The following C8orf34 variants were observed in gnomAD, a reference collection of about 807,000 sequenced individuals.
C8orf34 encodes the protein chromosome 8 open reading frame 34.
Under a neutral mutation model 68.3 loss-of-function variants are expected in C8orf34, and 65 were observed. The ratio of observed to expected loss-of-function variants is 0.95; its 90% CI spans 0.78 to 1.17. The LOEUF is 1.17. Ranked by LOEUF, C8orf34 falls within the 50% of genes most tolerant of loss-of-function variation. The pLI is 0.00. For synonymous variants in C8orf34, 244 were observed against 241.2 expected (o/e 1.01, Z -0.11); for missense variants, 664 against 655.4 (o/e 1.01, Z -0.14).
At chr8:68,353,590 G>GTA (rs1161743614) in intron 1 of C8orf34, among the ~76,000 whole-genome samples, 5 of 145,178 alleles carry the variant, frequency 3.4e-5, no homozygotes, top group South Asian at 2.1e-4. Flanking sequence ...CACAGTTGAT[G>GTA]TATATATATA....
chr8:68,475,685 A>G (rs1812583135), intron 4 of C8orf34, among the ~76,000 whole-genome samples: 1 of 152,218 alleles, frequency 6.6e-6, no homozygotes. Flanking sequence ...TAAACATCCT[A>G]AAAGCTAAAG....
intron 12 of C8orf34, among the ~76,000 whole-genome samples, chr8:68,796,572 GAC>G (rs1413399712): frequency 2.6e-5 from 4 of 152,094 alleles, no homozygotes; most frequent in Non-Finnish European, 4.4e-5. Context: ...ATAATTGTAA[GAC>G]CATATCATTG....
At chr8:68,818,143 G>C in intron 13 of C8orf34, 96 bp from the exon 14 acceptor site, 1 of 1,226,632 alleles carries the variant, frequency 8.2e-7, no homozygotes, top group Admixed American at 1.8e-5. Context: ...CATTGGAATA[G>C]AGGAAAGCAT....
At chr8:68,457,003 G>A (rs1811582130) in intron 3 of C8orf34, among the ~76,000 whole-genome samples, 1 of 152,166 alleles carries the variant, frequency 6.6e-6, no homozygotes, top group African/African-American at 2.4e-5. Context: ...GATAGTGAAT[G>A]CTGATCCTTT....
intron 7 of C8orf34, among the ~76,000 whole-genome samples, chr8:68,634,430 G>A (rs182172034): frequency 1.3e-5 from 2 of 151,976 alleles, no homozygotes; most frequent in Admixed American, 6.6e-5. Flanking sequence ...TTCCTCCCTC[G>A]ACTTATGCAG....
intron 7 of C8orf34, among the ~76,000 whole-genome samples, chr8:68,580,554 C>G (rs1817033446): frequency 6.6e-6 from 1 of 152,070 alleles, no homozygotes; most frequent in Non-Finnish European, 1.5e-5. Flanking sequence ...AAAGTGTGTT[C>G]TAGCTGTAAC....
chr8:68,689,287 G>A (rs1452443657), intron 8 of C8orf34, among the ~76,000 whole-genome samples: 3 of 152,090 alleles, frequency 2.0e-5, no homozygotes, highest in Middle Eastern at 3.4e-3. Flanking sequence ...AAGGATAAAA[G>A]ACAACATATT....
intron 1 of C8orf34, among the ~76,000 whole-genome samples, chr8:68,373,143 C>T (rs758554450): frequency 1.6e-4 from 25 of 151,894 alleles, no homozygotes; most frequent in Non-Finnish European, 3.2e-4. Flanking sequence ...TTCAGGTGTG[C>T]GTCACCACGC....
intron 10 of C8orf34, among the ~76,000 whole-genome samples, chr8:68,753,414 T>C (rs546784013): frequency 6.6e-6 from 1 of 152,226 alleles, no homozygotes; most frequent in Non-Finnish European, 1.5e-5. Flanking sequence ...AGGAAAATTA[T>C]CTAAATGCAC....
chr8:68,494,484 A>T (rs550141827), intron 5 of C8orf34, among the ~76,000 whole-genome samples: 40 of 152,160 alleles, frequency 2.6e-4, no homozygotes, highest in Admixed American at 1.6e-3. Flanking sequence ...ACATAAATAA[A>T]CTTAACATAG....
intron 4 of C8orf34, among the ~76,000 whole-genome samples, chr8:68,470,514 A>C (rs2129630031): frequency 6.6e-6 from 1 of 152,256 alleles, no homozygotes; most frequent in African/African-American, 2.4e-5. Flanking sequence ...TTGTAGCAGA[A>C]GTGTCAGAGT....
chr8:68,695,233 G>A (rs1394738876), intron 8 of C8orf34, among the ~76,000 whole-genome samples: 1 of 149,586 alleles, frequency 6.7e-6, no homozygotes, highest in East Asian at 2.0e-4. Flanking sequence ...TGCAACCTCT[G>A]CCTCCTGGAT....
chr8:68,671,844 G>A lies in C8orf34; in HGVS notation c.1241+31333G>A, dbSNP rs530148639. ...GAACTATTTTCCTTTAACGAAAAGG[G>A]TTTCCTGAGGTTTGCAATTTAGGTA... On this transcript the variant is annotated intron_variant, in intron 8 of 13. Transcript: ENST00000518698. 2.0e-5 allele frequency among the ~76,000 whole-genome samples: 3 copies of A among 152,174 alleles called. No individual in the cohort carries two copies. The East Asian group carries it at 5.8e-4, about 29-fold the overall frequency.
chr8:68,785,061 T>C (rs1217023206), intron 11 of C8orf34, among the ~76,000 whole-genome samples: 1 of 151,990 alleles, frequency 6.6e-6, no homozygotes, highest in African/African-American at 2.4e-5. Flanking sequence ...TATATGAATA[T>C]GGGCCAGGCA....
intron 10 of C8orf34, among the ~76,000 whole-genome samples, chr8:68,775,697 TTCTTTC>T (rs1823495945): frequency 6.6e-6 from 1 of 152,194 alleles, no homozygotes; most frequent in Non-Finnish European, 1.5e-5. Flanking sequence ...AATTTGCGAC[TTCTTTC>T]CTTAGCCTAA....
intron 8 of C8orf34, among the ~76,000 whole-genome samples, chr8:68,673,566 G>A (rs1201569509): frequency 6.6e-6 from 1 of 152,158 alleles, no homozygotes; most frequent in East Asian, 1.9e-4. Flanking sequence ...GAAAACAGAA[G>A]AGAAGATTGG....
At chr8:68,568,156 G>A (rs1816653471) in intron 7 of C8orf34, among the ~76,000 whole-genome samples, 1 of 152,060 alleles carries the variant, frequency 6.6e-6, no homozygotes, top group South Asian at 2.1e-4. Flanking sequence ...ATTACAATAG[G>A]AACACCACAC....
intron 1 of C8orf34, among the ~76,000 whole-genome samples, chr8:68,427,154 C>T (rs1259757743): frequency 1.3e-5 from 2 of 151,878 alleles, no homozygotes; most frequent in African/African-American, 2.4e-5. Flanking sequence ...TAAAAATGGC[C>T]CTAACATGTA....
intron 9 of C8orf34, among the ~76,000 whole-genome samples, chr8:68,710,718 G>T (rs1176625475): frequency 6.6e-6 from 1 of 152,070 alleles, no homozygotes; most frequent in East Asian, 1.9e-4. Flanking sequence ...AAGACAAAGG[G>T]CACAGTTTCT....
Sources: gnomAD v4.1 joint callset for allele counts (sites outside exome capture counted in the v4.1 genomes callset) on GRCh38, gnomAD v4.1.1 for gene constraint, MANE v1.5 for transcripts, NCBI Gene and HGNC (gene_info 2026-07-23, HGNC 2026-07-21) for gene names.